The following OXR1 variants were observed in gnomAD, a reference collection of about 807,000 sequenced individuals.
OXR1 encodes the protein oxidation resistance protein 1.
Under a neutral mutation model 104.6 loss-of-function variants are expected in OXR1, and 41 were observed. That is an observed-to-expected ratio of 0.39 (90% CI 0.31 to 0.51). The LOEUF is 0.51. Among genes scored for constraint, OXR1 ranks in the 20% least tolerant of loss-of-function variants. OXR1 has a pLI of 0.77. For missense variants in OXR1, 955 were observed against 1,031.9 expected, an observed-to-expected ratio of 0.93 and a Z score of 1.02; for synonymous variants, 348 against 348.4, an observed-to-expected ratio of 1.00 and a Z score of 0.01.
chr8:106,408,923 CGTT>C (rs1161154545), intron 2 of OXR1, among the ~76,000 whole-genome samples: 2 of 152,096 alleles, frequency 1.3e-5, no homozygotes, highest in Non-Finnish European at 2.9e-5. Flanking sequence ...TTATTGTTCC[CGTT>C]TCAGGGAACG....
At chr8:106,526,218 C>T (rs1028293262) in intron 3 of OXR1, among the ~76,000 whole-genome samples, 2 of 152,090 alleles carry the variant, frequency 1.3e-5, no homozygotes, top group African/African-American at 4.8e-5. Context: ...TGTCTCAGCT[C>T]TAACTGGGAA....
At chr8:106,448,044 C>G (rs1820098449) in intron 2 of OXR1, 6 of 1,535,802 alleles carry the variant, frequency 3.9e-6, no homozygotes, top group Non-Finnish European at 3.5e-6. Flanking sequence ...CAAAAACAGC[C>G]CAGGGTAGGT....
intron 3 of OXR1, among the ~76,000 whole-genome samples, chr8:106,626,273 TA>T (rs1396581912): frequency 1.3e-5 from 2 of 151,746 alleles, no homozygotes; most frequent in Non-Finnish European, 2.9e-5. Flanking sequence ...AACTATTAAC[TA>T]AAAAGCCGTT....
chr8:106,286,617 G>A (rs528724756), intron 1 of OXR1, among the ~76,000 whole-genome samples: 4 of 152,212 alleles, frequency 2.6e-5, no homozygotes, highest in East Asian at 3.9e-4. Context: ...TTTACATTCC[G>A]AGGTTGTAGA....
At chr8:106,681,373 C>G (rs1348930698) in intron 4 of OXR1, among the ~76,000 whole-genome samples, 7 of 151,726 alleles carry the variant, frequency 4.6e-5, no homozygotes, top group Non-Finnish European at 1.5e-5. Context: ...TTGTATTAAC[C>G]CAAATATTTG....
At chr8:106,272,416 G>A (rs1811857190) in intron 1 of OXR1, 1 of 152,254 alleles carries the variant, frequency 6.6e-6, no homozygotes, top group Non-Finnish European at 1.5e-5. Context: ...ACTGTCTGCT[G>A]TCTAAGAGGG....
At chr8:106,742,792 T>G (rs1014599135) in intron 15 of OXR1, among the ~76,000 whole-genome samples, 1 of 152,106 alleles carries the variant, frequency 6.6e-6, no homozygotes, top group Non-Finnish European at 1.5e-5. Flanking sequence ...TATACAAACA[T>G]TAACTCAAGA....
intron 3 of OXR1, among the ~76,000 whole-genome samples, chr8:106,540,872 C>G (rs964724987): frequency 1.3e-5 from 2 of 152,172 alleles, no homozygotes; most frequent in African/African-American, 4.8e-5. Context: ...GCAGGAAAAA[C>G]CATCCCCCAT....
chr8:106,534,840 G>A (rs1268391766), intron 3 of OXR1, among the ~76,000 whole-genome samples: 1 of 152,222 alleles, frequency 6.6e-6, no homozygotes, highest in African/African-American at 2.4e-5. Context: ...AATGGAAAGA[G>A]GTTAATAGGG....
At chr8:106,424,199 A>C (rs953053602) in intron 2 of OXR1, among the ~76,000 whole-genome samples, 6 of 152,080 alleles carry the variant, frequency 3.9e-5, no homozygotes, top group African/African-American at 1.4e-4. Flanking sequence ...CAGCCTCCCA[A>C]ACTGCCGGGA....
chr8:106,562,458 A>G (rs1466846784), intron 3 of OXR1, among the ~76,000 whole-genome samples: 1 of 152,236 alleles, frequency 6.6e-6, no homozygotes, highest in Non-Finnish European at 1.5e-5. Context: ...CCTCCTAGAA[A>G]TATAGGACTA....
chr8:106,449,038 C>T (rs1191673305), intron 2 of OXR1, among the ~76,000 whole-genome samples: 1 of 152,086 alleles, frequency 6.6e-6, no homozygotes, highest in Non-Finnish European at 1.5e-5. Flanking sequence ...TTAATTAGCA[C>T]CCTCTTCTGC....
intron 1 of OXR1, among the ~76,000 whole-genome samples, chr8:106,347,165 A>G (rs1815527008): frequency 6.6e-6 from 1 of 152,252 alleles, no homozygotes; most frequent in Admixed American, 6.5e-5. Flanking sequence ...GGCTCAATGA[A>G]AGGACTTGTT....
chr8:106,440,325 C>T (rs1013040441), intron 2 of OXR1, among the ~76,000 whole-genome samples: 2 of 152,098 alleles, frequency 1.3e-5, no homozygotes, highest in Non-Finnish European at 2.9e-5. Context: ...GACGACTGCA[C>T]AATTTGTCCT....
chr8:106,465,581 G>A (rs2510814), intron 2 of OXR1, among the ~76,000 whole-genome samples: 11,813 of 151,920 alleles, frequency 0.078, 501 homozygotes, highest in Non-Finnish European at 0.088. Flanking sequence ...AATGGTAGTG[G>A]GAGGATGAGA....
At chr8:106,681,309 A>G (rs72682855) in intron 4 of OXR1, among the ~76,000 whole-genome samples, 8,204 of 152,284 alleles carry the variant, frequency 0.054, 252 homozygotes, top group African/African-American at 0.076. Context: ...ATATCAGTAC[A>G]TTGTGTAGAT....
intron 8 of OXR1, among the ~76,000 whole-genome samples, chr8:106,706,178 A>G (rs1018529556): frequency 1.3e-5 from 2 of 152,182 alleles, no homozygotes; most frequent in Admixed American, 6.5e-5. Context: ...TGACTTAATT[A>G]CTTGATTTAT....
intron 1 of OXR1, among the ~76,000 whole-genome samples, chr8:106,339,244 C>T (rs1458459900): frequency 6.6e-6 from 1 of 151,418 alleles, no homozygotes; most frequent in Non-Finnish European, 1.5e-5. Context: ...GCCTGTAATC[C>T]CAGCACTTTG....
intron 3 of OXR1, among the ~76,000 whole-genome samples, chr8:106,639,964 A>T (rs946050991): frequency 9.9e-5 from 15 of 152,162 alleles, no homozygotes; most frequent in African/African-American, 3.6e-4. Flanking sequence ...GCCCTTTGTG[A>T]GCAAGTATAT....
Sources: gnomAD v4.1 joint callset for allele counts (sites outside exome capture counted in the v4.1 genomes callset) on GRCh38, gnomAD v4.1.1 for gene constraint, MANE v1.5 for transcripts, NCBI Gene and HGNC (gene_info 2026-07-23, HGNC 2026-07-21) for gene names.